Variants in HDAC9 observed in about 807,000 individuals in gnomAD.
HDAC9 encodes MEF-2 interacting transcription repressor (MITR) protein.
A neutral mutation model predicts 139.4 loss-of-function variants in HDAC9; 41 were observed. The observed-to-expected ratio is 0.29, with a 90% CI of 0.23 to 0.38. The LOEUF is 0.38. HDAC9 is among the 10% of genes least tolerant of loss of function. The probability of loss-of-function intolerance (pLI) is 1.00; values close to 1 mark genes in which losing one functional copy is unlikely to be tolerated. For missense variants in HDAC9, 1,147 were observed against 1,297.0 expected, an observed-to-expected ratio of 0.88 and a Z score of 1.78; for synonymous variants, 517 against 476.2, an observed-to-expected ratio of 1.09 and a Z score of -1.12.
rs147934383 is a variant in HDAC9, at chr7:18,857,301, A to G, written c.2685-17177A>G. 6.2e-3 allele frequency among the ~76,000 whole-genome samples: 934 copies of G among 150,400 alleles called. 16 individuals carry two copies. The highest frequency in any genetic ancestry group is 0.022 in the African/African-American group (880 of 40,510). On this transcript the variant is annotated intron_variant, in intron 21 of 25. Transcript: ENST00000686413. ...AATAGAATGTAATAGAAGATAAAAGAGTGTCACATATTGTTTCACAAAATA... is the reference window on the plus strand; with the variant it reads ...AATAGAATGTAATAGAAGATAAAAGGGTGTCACATATTGTTTCACAAAATA...
intron 17 of HDAC9, among the ~76,000 whole-genome samples, chr7:18,824,082 A>AAGAAGAAGAAGAAGG (rs1795220182): frequency 6.6e-6 from 1 of 150,734 alleles, no homozygotes; most frequent in Non-Finnish European, 1.5e-5. Context: ...GAAGAAGAAG[A>AAGAAGAAGAAGAAGG]AGAAGAACAA....
rs1327983846 is a variant in HDAC9, at chr7:18,383,804, G to A, written c.-42+93289G>A. Among the ~76,000 whole-genome samples, 4 of 151,430 alleles carry A rather than the reference G, an allele frequency of 2.6e-5. No individual in the cohort carries two copies. In the East Asian group the frequency reaches 7.8e-4, roughly 29 times the overall value. On this transcript the variant is annotated intron_variant, in intron 1 of 3. Coordinates refer to the HDAC9 transcript ENST00000413509. ...CACGGAAGGCTGAGGCAGGAGAATGGCGTGAACCCGGGAGGCGGAGCTTGC... is the reference window on the plus strand; with the variant it reads ...CACGGAAGGCTGAGGCAGGAGAATGACGTGAACCCGGGAGGCGGAGCTTGC...
intron 22 of HDAC9, among the ~76,000 whole-genome samples, chr7:18,910,516 A>ATG (rs1364072780): frequency 3.3e-5 from 5 of 152,036 alleles, no homozygotes; most frequent in African/African-American, 4.8e-5. Context: ...CTCCTTTCCC[A>ATG]TGTGAATGCC....
At position 18,999,142 on chromosome 7, in the gene HDAC9, A is replaced by G. The variant is rs537890623; in HGVS notation, c.*3080A>G. The G allele has an allele frequency of 6.6e-6, 1 of 152,308 alleles. No homozygotes were observed. The highest frequency in any genetic ancestry group is 1.5e-5 in the Non-Finnish European group (1 of 68,026). The allele number at this position is 152,308 out of a possible 1,614,324, so 9.4% of individuals were successfully genotyped here. A position where few individuals can be genotyped will look rare whatever the true frequency, so the allele number is the denominator to read the frequency against. On this transcript the variant is annotated 3_prime_UTR_variant, in exon 26 of 26. Coordinates refer to ENST00000686413, the MANE Select transcript of HDAC9 (RefSeq NM_178425.4). ...AAATAGAGATATTTATGAAAAAACT[A>G]CTACAAATCACATTTCCATTACCAA...
chr7:18,731,450 C>G (rs1786037253), intron 13 of HDAC9, among the ~76,000 whole-genome samples: 2 of 152,078 alleles, frequency 1.3e-5, no homozygotes, highest in African/African-American at 4.8e-5. Flanking sequence ...AAACCTTCAC[C>G]ATCCATGTGC....
chr7:18,087,474 G>A (rs1342068588), intron 1 of HDAC9, among the ~76,000 whole-genome samples: 1 of 152,164 alleles, frequency 6.6e-6, no homozygotes, highest in Non-Finnish European at 1.5e-5. Flanking sequence ...GCAAACTGAG[G>A]CGAGCGGTCG....
rs144340930 is a variant in HDAC9 at position 18,933,966 on chromosome 7, G to A, written c.2804-1843G>A. Among the ~76,000 whole-genome samples, 38 of 152,074 alleles carry A rather than the reference G, an allele frequency of 2.5e-4. No individual in the cohort carries two copies. In the East Asian group the frequency reaches 7.2e-3, roughly 29 times the overall value. On this transcript the variant is annotated intron_variant, in intron 22 of 25. Transcript: ENST00000686413. ...AGACAGCTCTGATTCAAAAATATAC[G>A]TAATGCAGGACAGAGAGAGATGGAA...
At chr7:18,379,972 C>G (rs1391853447) in intron 1 of HDAC9, among the ~76,000 whole-genome samples, 2 of 152,132 alleles carry the variant, frequency 1.3e-5, no homozygotes, top group African/African-American at 4.8e-5. Context: ...AGAATCGCTC[C>G]TGTTGCTCCC....
At position 18,304,602 on chromosome 7, in the gene HDAC9, A is replaced by T. The variant is rs80009602; in HGVS notation, c.-42+14087A>T. ...ATGTACTGCATGAAAGTTGAAAAAA[A>T]GTAGGTTCTCTTTGACAAAAAAGTA... On this transcript the variant is annotated intron_variant, in intron 1 of 3. Transcript: ENST00000413509. Among the ~76,000 whole-genome samples, 314 of 152,310 alleles carry T rather than the reference A, an allele frequency of 2.1e-3. 7 individuals are homozygous for T. In the East Asian group the frequency reaches 0.035, roughly 17 times the overall value.
At chr7:18,415,712 C>A (rs889534314) in intron 1 of HDAC9, among the ~76,000 whole-genome samples, 23 of 152,142 alleles carry the variant, frequency 1.5e-4, no homozygotes, top group African/African-American at 5.6e-4. Flanking sequence ...GGTTTTCTAG[C>A]CCCTGTGTTC....
intron 1 of HDAC9, among the ~76,000 whole-genome samples, chr7:18,125,975 T>A (rs1408103752): frequency 6.6e-6 from 1 of 152,230 alleles, no homozygotes; most frequent in Non-Finnish European, 1.5e-5. Context: ...TGTTTATTTG[T>A]TGGTCTATCT....
At chr7:18,493,533 C>T (rs183629596), upstream of HDAC9, among the ~76,000 whole-genome samples, 900 of 151,932 alleles carry the variant, frequency 5.9e-3, 10 homozygotes, top group Admixed American at 9.2e-3. Flanking sequence ...AATCAAGCCT[C>T]CTTCGTTTCC....
chr7:18,540,926 T>A (rs971678624), intron 2 of HDAC9, among the ~76,000 whole-genome samples: 1 of 152,178 alleles, frequency 6.6e-6, no homozygotes, highest in Non-Finnish European at 1.5e-5. Context: ...TAGATACTAT[T>A]ATTTCCCCTG....
intron 2 of HDAC9, among the ~76,000 whole-genome samples, chr7:18,553,763 T>G (rs757367675): frequency 1.3e-5 from 2 of 152,202 alleles, no homozygotes; most frequent in African/African-American, 2.4e-5. Flanking sequence ...TGCCACTGAT[T>G]TTATCTTACC....
At chr7:18,326,635 T>C (rs1800468969) in intron 1 of HDAC9, among the ~76,000 whole-genome samples, 1 of 152,054 alleles carries the variant, frequency 6.6e-6, no homozygotes, top group Non-Finnish European at 1.5e-5. Context: ...ATAACTGTGA[T>C]GAATGTATAC....
chr7:18,657,882 C>G (rs1791743489), intron 11 of HDAC9, among the ~76,000 whole-genome samples: 1 of 152,074 alleles, frequency 6.6e-6, no homozygotes, highest in Non-Finnish European at 1.5e-5. Context: ...TGATCTGATT[C>G]TTGCCTCCTC....
chr7:18,894,907 T>TG (rs1429263617), intron 22 of HDAC9, among the ~76,000 whole-genome samples: 1 of 152,066 alleles, frequency 6.6e-6, no homozygotes, highest in Non-Finnish European at 1.5e-5. Context: ...GCAGAGTATG[T>TG]GGGTCCAGAT....
chr7:18,645,687 A>G (rs1787153587), intron 9 of HDAC9, among the ~76,000 whole-genome samples: 1 of 152,178 alleles, frequency 6.6e-6, no homozygotes, highest in Admixed American at 6.5e-5. Flanking sequence ...CATCTCTGAA[A>G]TGTTAGTTAA....
At chr7:18,283,990 A>G (rs1007338463) in intron 2 of HDAC9, among the ~76,000 whole-genome samples, 2 of 152,130 alleles carry the variant, frequency 1.3e-5, no homozygotes, top group South Asian at 2.1e-4. Flanking sequence ...AGTTAAACCA[A>G]TGTGTTTAAG....
Sources: allele counts gnomAD v4.1 joint callset (sites outside exome capture counted in the v4.1 genomes callset), GRCh38; gene constraint gnomAD v4.1.1; transcripts MANE v1.5; gene names NCBI Gene and HGNC (gene_info 2026-07-23, HGNC 2026-07-21).